TMEM132E: variants seen among roughly 807,000 people sequenced by gnomAD.
The protein encoded by TMEM132E is transmembrane protein 132E.
Under a neutral mutation model 78.5 loss-of-function variants are expected in TMEM132E, and 49 were observed. That is an observed-to-expected ratio of 0.62 (90% confidence interval 0.50 to 0.79). The LOEUF is 0.79. Among genes scored for constraint, TMEM132E ranks in the 30% least tolerant of loss-of-function variants. The pLI is 0.00. For synonymous variants in TMEM132E, 715 were observed against 670.6 expected (o/e 1.07, Z -1.02); for missense variants, 1,403 against 1,470.9 (o/e 0.95, Z 0.75).
At chr17:34,620,280 G>A (rs1248320954) in intron 1 of TMEM132E, among the ~76,000 whole-genome samples, 1 of 152,252 alleles carries the variant, frequency 6.6e-6, no homozygotes, top group Non-Finnish European at 1.5e-5. Flanking sequence ...GAAAAGTATG[G>A]AATTGACATT....
chr17:34,600,919 A>C (rs947993759), intron 1 of TMEM132E, among the ~76,000 whole-genome samples: 3 of 152,196 alleles, frequency 2.0e-5, no homozygotes, highest in Non-Finnish European at 4.4e-5. Context: ...TCAAGCCCCT[A>C]GGCCCTCGCC....
At chr17:34,616,297 A>G (rs985057174) in intron 1 of TMEM132E, among the ~76,000 whole-genome samples, 3 of 152,132 alleles carry the variant, frequency 2.0e-5, no homozygotes, top group African/African-American at 7.2e-5. Context: ...ATTGGGTTCC[A>G]GCCAAGCATG....
chr17:34,591,190 G>T lies in TMEM132E; in HGVS notation c.67+10047G>T, dbSNP rs141336856. Among the ~76,000 whole-genome samples, 17 of 152,274 alleles carry T rather than the reference G, an allele frequency of 1.1e-4. No homozygotes were observed. The East Asian group carries it at 3.1e-3, about 28-fold the overall frequency. Reference sequence around the variant, plus strand: ...TGGAGAGCAGAAGGGACATGCCTGTGACTTCACAGCCAGTTCTGACCCCTT... The same window carrying T: ...TGGAGAGCAGAAGGGACATGCCTGTTACTTCACAGCCAGTTCTGACCCCTT... On this transcript the variant is annotated intron_variant, in intron 1 of 8. Transcript: ENST00000631683.
At chr17:34,606,028 A>G (rs1262394628) in intron 1 of TMEM132E, among the ~76,000 whole-genome samples, 1 of 152,196 alleles carries the variant, frequency 6.6e-6, no homozygotes, top group East Asian at 1.9e-4. Flanking sequence ...TGGCCGGGTC[A>G]TGCTATTCCA....
intron 1 of TMEM132E, among the ~76,000 whole-genome samples, chr17:34,599,812 A>G (rs1367351883): frequency 6.6e-6 from 1 of 152,140 alleles, no homozygotes; most frequent in Non-Finnish European, 1.5e-5. Flanking sequence ...AGGCTTCCCA[A>G]GTGTGGTGGA....
At position 34,628,558 on chromosome 17, in the gene TMEM132E, C is replaced by A. The variant is rs774392351; in HGVS notation, c.999-5C>A. On this transcript the variant is annotated splice_region_variant and splice_polypyrimidine_tract_variant and intron_variant, in intron 2 of 8. Transcript: ENST00000631683. ...CTCCCTCTTCTTCCTCCCACTTTGT[C>A]CCAGGGTGAAGGCCAAGAAGGGTGT... The A allele has an allele frequency of 1.7e-5, 27 of 1,613,680 alleles. No homozygotes were observed. The highest frequency in any genetic ancestry group is 2.3e-5 in the Non-Finnish European group (27 of 1,179,808).
In TMEM132E at chr17:34,588,879, G is replaced by A. The variant is rs189510612; in HGVS notation, c.67+7736G>A. Among the ~76,000 whole-genome samples the A allele has an allele frequency of 6.0e-4, 91 of 152,114 alleles. No homozygotes were observed. In the East Asian group the frequency reaches 0.015, roughly 25 times the overall value. On this transcript the variant is annotated intron_variant, in intron 1 of 8. Transcript: ENST00000631683. Reference sequence around the variant, plus strand: ...AGTGATTCTCCTGCCTCAGCCTCCCGAGTAGCTGAGACTGCAGGTGTGCAC... The same window carrying A: ...AGTGATTCTCCTGCCTCAGCCTCCCAAGTAGCTGAGACTGCAGGTGTGCAC...
chr17:34,626,541 G>T lies in TMEM132E; in HGVS notation c.482G>T (p.Arg161Leu). 1 of 1,597,702 alleles carries T rather than the reference G, an allele frequency of 6.3e-7. No individual in the cohort carries two copies. ...TGGGACGACTTCGGCGTCACCGAGC[G>T]GCTGCCCTGTGTCCGCCTGCATGCC... Reference protein sequence around the residue: ...RDWDDFGVTERLPCVRLHAFR... With the variant: ...RDWDDFGVTELLPCVRLHAFR... Residue 161 changes from arginine to leucine, a missense_variant, in exon 2 of 9, where the codon CGG becomes CTG. Coordinates refer to ENST00000631683, the MANE Select transcript of TMEM132E (RefSeq NM_001304438.2).
Position 34,635,045 on chromosome 17 carries a change from C to T in TMEM132E, c.1935C>T (p.Ser645=). ...GDPRVAHMVD[S]STLAGLEPGT... is the part of the protein sequence containing the mutation. ...CCCGAGTGGCACACATGGTGGACAG[C>T]AGCACGCTGGCAGGACTGGAGCCAG... Residue 645 remains serine, a synonymous_variant, in exon 7 of 9, where the codon AGC becomes AGT. Coordinates refer to ENST00000631683, the MANE Select transcript of TMEM132E (RefSeq NM_001304438.2). 1 of 1,614,014 alleles carries T rather than the reference C, an allele frequency of 6.2e-7. No homozygotes were observed. The highest frequency in any genetic ancestry group is 8.5e-7 in the Non-Finnish European group (1 of 1,179,970).
At position 34,624,715 on chromosome 17, in the gene TMEM132E, G is replaced by A. The variant is rs543332032; in HGVS notation, c.68-1412G>A. ...GTCCTAGGAGAAAAAGGATCCTGAC[G>A]CCTTGTGTAGGGGGCCCTGAATGTC... On this transcript the variant is annotated intron_variant, in intron 1 of 8. Coordinates refer to ENST00000631683, the MANE Select transcript of TMEM132E (RefSeq NM_001304438.2). Among the ~76,000 whole-genome samples the A allele has an allele frequency of 1.8e-4, 27 of 152,274 alleles. No homozygotes were observed. In the East Asian group the frequency reaches 1.9e-3, roughly 11 times the overall value.
chr17:34,603,682 C>A (rs545663937), intron 1 of TMEM132E, among the ~76,000 whole-genome samples: 62 of 152,250 alleles, frequency 4.1e-4, no homozygotes, highest in African/African-American at 1.5e-3. Flanking sequence ...GCCAGCTCTT[C>A]CCCCTGGGTG....
chr17:34,635,474 G>A (rs932251031), intron 7 of TMEM132E, among the ~76,000 whole-genome samples: 2 of 152,094 alleles, frequency 1.3e-5, no homozygotes, highest in African/African-American at 4.8e-5. Flanking sequence ...CTAAGAAACT[G>A]TTGTGATCTG....
At chr17:34,619,254 G>C (rs992010577) in intron 1 of TMEM132E, among the ~76,000 whole-genome samples, 5 of 151,744 alleles carry the variant, frequency 3.3e-5, no homozygotes, top group Non-Finnish European at 7.4e-5. Flanking sequence ...GCCAGGCACT[G>C]TTCTAGGCTC....
chr17:34,628,808 G>A, intron 3 of TMEM132E, 99 bp downstream of exon 3: 3 of 1,439,340 alleles, frequency 2.1e-6, no homozygotes, highest in South Asian at 2.9e-5. Flanking sequence ...GGGGAGGGCT[G>A]GGGCTCGGTC....
intron 1 of TMEM132E, among the ~76,000 whole-genome samples, chr17:34,623,766 T>G (rs555211069): frequency 3.3e-5 from 5 of 152,228 alleles, no homozygotes; most frequent in Non-Finnish European, 7.3e-5. Context: ...TTGGTTCGCC[T>G]GCTTGCTGCT....
intron 1 of TMEM132E, among the ~76,000 whole-genome samples, chr17:34,595,652 A>C (rs986748402): frequency 6.6e-6 from 1 of 152,242 alleles, no homozygotes; most frequent in African/African-American, 2.4e-5. Flanking sequence ...AAGATGGGAA[A>C]ACCAAAGTCC....
In TMEM132E at chr17:34,613,211, A is replaced by ACACACGCGCGCGCG; in HGVS notation, c.68-12915_68-12914insACACGCGCGCGCGC. On this transcript the variant is annotated intron_variant, in intron 1 of 8. Coordinates refer to ENST00000631683, the MANE Select transcript of TMEM132E (RefSeq NM_001304438.2). Reference sequence around the variant, plus strand: ...CACACACACACCCACACACACACACACGCGCGCGCGCGCGCGTTCTTACAT... The same window carrying ACACACGCGCGCGCG: ...CACACACACACCCACACACACACACACACACGCGCGCGCGCGCGCGCGCGCGCGCGTTCTTACAT... Among the ~76,000 whole-genome samples the ACACACGCGCGCGCG allele has an allele frequency of 2.8e-3, 323 of 115,914 alleles. 2 individuals carry two copies. Among genetic ancestry groups the ACACACGCGCGCGCG allele is most frequent in the African/African-American group, 5.0e-3 (170 of 34,284 alleles). The allele number at this position is 115,914 out of a possible 152,430, so 76.0% of individuals were successfully genotyped here. A position where few individuals can be genotyped will look rare whatever the true frequency, so the allele number is the denominator to read the frequency against.
At chr17:34,630,204 G>A (rs748148338) in intron 5 of TMEM132E, 53 bp downstream of exon 5, 8 of 1,572,782 alleles carry the variant, frequency 5.1e-6, no homozygotes, top group Non-Finnish European at 7.0e-6. Flanking sequence ...GCCTTCAGGA[G>A]AGTAGAACCT....
chr17:34,635,210 T>G, intron 7 of TMEM132E, 123 bp downstream of exon 7: 5 of 1,145,680 alleles, frequency 4.4e-6, no homozygotes, highest in Non-Finnish European at 6.0e-6. Flanking sequence ...TGCCTGCCCC[T>G]TGTCTGAAAT....
Sources: allele counts gnomAD v4.1 joint callset (sites outside exome capture counted in the v4.1 genomes callset), GRCh38; gene constraint gnomAD v4.1.1; transcripts MANE v1.5; gene names NCBI Gene and HGNC (gene_info 2026-07-23, HGNC 2026-07-21).